The following ERP44 variants were observed in gnomAD, a reference collection of about 807,000 sequenced individuals.
The protein encoded by ERP44 is endoplasmic reticulum protein 44.
ERP44 carries 25 observed loss-of-function variants against 53.4 expected under a neutral mutation model. The ratio of observed to expected loss-of-function variants is 0.47; its 90% confidence interval spans 0.34 to 0.65. The LOEUF (loss-of-function observed/expected upper bound fraction) is 0.65. ERP44 is among the 30% of genes least tolerant of loss of function. The pLI is 0.01. For synonymous variants in ERP44, 145 were observed against 161.2 expected, an observed-to-expected ratio of 0.90 and a Z score of 0.76; for missense variants, 338 against 493.2, an observed-to-expected ratio of 0.69 and a Z score of 2.98.
At chr9:100,046,748 T>C (rs538918858) in intron 4 of ERP44, among the ~76,000 whole-genome samples, 1 of 152,180 alleles carries the variant, frequency 6.6e-6, no homozygotes, top group Admixed American at 6.5e-5. Context: ...TCGCCTTTTA[T>C]GTTGTCATTA....
intron 2 of ERP44, 39 bp downstream of exon 2, chr9:100,060,061 A>G: frequency 7.3e-7 from 1 of 1,367,938 alleles, no homozygotes; most frequent in Admixed American, 3.7e-5. Flanking sequence ...CTCTCTATAG[A>G]GAAGAAAGAG....
intron 5 of ERP44, among the ~76,000 whole-genome samples, chr9:100,021,485 G>A (rs777151872): frequency 1.3e-5 from 2 of 152,222 alleles, no homozygotes; most frequent in Non-Finnish European, 2.9e-5. Context: ...TAATTGGTTA[G>A]CTTAGCTTGC....
At chr9:100,055,688 T>G (rs1564099281) in intron 3 of ERP44, among the ~76,000 whole-genome samples, 2 of 152,228 alleles carry the variant, frequency 1.3e-5, no homozygotes, top group Non-Finnish European at 2.9e-5. Flanking sequence ...TATCCTACTT[T>G]GTACACCTCT....
At chr9:100,001,562 A>G (rs1830378220) in intron 10 of ERP44, among the ~76,000 whole-genome samples, 1 of 152,070 alleles carries the variant, frequency 6.6e-6, no homozygotes, top group Non-Finnish European at 1.5e-5. Context: ...CTCTTGCTGA[A>G]TTGATCTCTT....
intron 1 of ERP44, 109 bp from the exon 2 acceptor site, chr9:100,060,281 T>C: frequency 8.8e-7 from 1 of 1,142,030 alleles, no homozygotes; most frequent in South Asian, 2.9e-5. Flanking sequence ...TAGAAAATTA[T>C]ACATCAATTG....
At chr9:100,071,112 T>TTTTTG (rs1826298405) in intron 1 of ERP44, among the ~76,000 whole-genome samples, 3 of 150,316 alleles carry the variant, frequency 2.0e-5, no homozygotes, top group Non-Finnish European at 4.4e-5. Context: ...TTTTTTTTTT[T>TTTTTG]GAGACAAGGT....
At chr9:100,026,694 T>C (rs1292488206) in intron 4 of ERP44, among the ~76,000 whole-genome samples, 1 of 152,192 alleles carries the variant, frequency 6.6e-6, no homozygotes, top group African/African-American at 2.4e-5. Context: ...ATATTCCTAG[T>C]AGGTTTCATT....
intron 1 of ERP44, among the ~76,000 whole-genome samples, chr9:100,090,382 G>T (rs1274052918): frequency 6.6e-6 from 1 of 152,182 alleles, no homozygotes; most frequent in South Asian, 2.1e-4. Flanking sequence ...TATAAGCAAA[G>T]AGATAGACTT....
Position 99,979,357 on chromosome 9 carries a change from C to A in ERP44, c.*3255G>T, listed in dbSNP as rs779645373. 2.0e-5 allele frequency: 3 copies of A among 151,040 alleles called. No individual in the cohort carries two copies. The highest frequency in any genetic ancestry group is 4.4e-5 in the Non-Finnish European group (3 of 67,858). 9.4% of individuals were successfully genotyped at this position (151,040 alleles called of 1,614,324 possible). On this transcript the variant is annotated 3_prime_UTR_variant, in exon 12 of 12. Coordinates refer to ENST00000262455, the MANE Select transcript of ERP44 (RefSeq NM_015051.3). ...AAAAAAGCCTTCTTGACAACCTTAG[C>A]ATTTTCTATAAATTTAAGCTTATTG...
rs1830136199 is a variant in ERP44, at chr9:99,980,369, C to G, written c.*2243G>C. Reference sequence around the variant, plus strand: ...GAAATCTGCTTCCCTGTGACTTCCTCAAATCCTAGTTCAAGCCCTGGGATC... The same window carrying G: ...GAAATCTGCTTCCCTGTGACTTCCTGAAATCCTAGTTCAAGCCCTGGGATC... On this transcript the variant is annotated 3_prime_UTR_variant, in exon 12 of 12. Transcript: ENST00000262455. 3.9e-6 allele frequency: 1 copy of G among 256,894 alleles called. No homozygotes were observed. Among genetic ancestry groups the G allele is most frequent in the Non-Finnish European group, 7.3e-6 (1 of 137,138 alleles). The allele number at this position is 256,894 out of a possible 1,614,324, so 15.9% of individuals were successfully genotyped here.
intron 1 of ERP44, among the ~76,000 whole-genome samples, chr9:100,076,869 G>A (rs1171194437): frequency 1.3e-5 from 2 of 152,162 alleles, no homozygotes; most frequent in Admixed American, 6.5e-5. Flanking sequence ...CCCTGTCATC[G>A]CCCAATGGGC....
intron 4 of ERP44, among the ~76,000 whole-genome samples, chr9:100,035,569 G>A (rs559988623): frequency 6.6e-6 from 1 of 152,138 alleles, no homozygotes; most frequent in Non-Finnish European, 1.5e-5. Context: ...CAGCTATTTA[G>A]GAGGCTGAGG....
At chr9:100,082,548 C>T (rs1287734421) in intron 1 of ERP44, among the ~76,000 whole-genome samples, 3 of 151,992 alleles carry the variant, frequency 2.0e-5, no homozygotes, top group Non-Finnish European at 2.9e-5. Context: ...CATATACAGT[C>T]GTCCATGGGT....
intron 4 of ERP44, among the ~76,000 whole-genome samples, chr9:100,041,331 A>G (rs1825899180): frequency 1.3e-5 from 2 of 152,116 alleles, no homozygotes; most frequent in African/African-American, 2.4e-5. Context: ...AATCGCAATT[A>G]CTTTTGCACC....
At chr9:100,061,618 A>G in intron 1 of ERP44, among the ~76,000 whole-genome samples, 1 of 147,544 alleles carries the variant, frequency 6.8e-6, no homozygotes, top group African/African-American at 2.5e-5. Context: ...TTATAGAAAT[A>G]TATATAAATA....
Position 99,981,752 on chromosome 9 carries a change from CAG to C in ERP44, c.*858_*859del, listed in dbSNP as rs1830151257. 6.6e-6 allele frequency: 1 copy of C among 152,194 alleles called. No individual in the cohort carries two copies. The highest frequency in any genetic ancestry group is 1.5e-5 in the Non-Finnish European group (1 of 68,034). 9.4% of individuals were successfully genotyped at this position (152,194 alleles called of 1,614,324 possible). On this transcript the variant is annotated 3_prime_UTR_variant, in exon 12 of 12. Coordinates refer to ENST00000262455, the MANE Select transcript of ERP44 (RefSeq NM_015051.3). The stretch of plus-strand genomic sequence containing the variant: ...ACAACTATAACAAGACTCTACAAGA[CAG>C]AAGGAGCTTAAAATTACTGAAATAC...
chr9:99,998,994 CTG>C, intron 10 of ERP44: 1 of 1,274,748 alleles, frequency 7.8e-7, no homozygotes, highest in East Asian at 2.3e-5. Context: ...CGGCAAAGAA[CTG>C]GAAGTAGTCG....
intron 8 of ERP44, among the ~76,000 whole-genome samples, chr9:100,008,940 G>A (rs1261442975): frequency 6.6e-6 from 1 of 151,750 alleles, no homozygotes; most frequent in Non-Finnish European, 1.5e-5. Flanking sequence ...ATGGGATTTC[G>A]CCATGTTGCT....
chr9:100,052,897 A>G (rs1287107886), intron 3 of ERP44, among the ~76,000 whole-genome samples: 1 of 152,146 alleles, frequency 6.6e-6, no homozygotes, highest in Non-Finnish European at 1.5e-5. Flanking sequence ...ATTTATGAAA[A>G]ATTAGCTTTC....
Sources: allele counts gnomAD v4.1 joint callset (sites outside exome capture counted in the v4.1 genomes callset), GRCh38; gene constraint gnomAD v4.1.1; transcripts MANE v1.5; gene names NCBI Gene and HGNC (gene_info 2026-07-23, HGNC 2026-07-21).